KANSL1: variants seen among roughly 807,000 people sequenced by gnomAD.
KANSL1 encodes the protein MLL1/MLL complex subunit KANSL1.
In KANSL1, 22 loss-of-function variants were observed where a neutral mutation model predicts 103.6. That is an observed-to-expected ratio of 0.21 (90% CI 0.15 to 0.30). The LOEUF is 0.30. Ranked by LOEUF, KANSL1 falls within the 10% of genes least tolerant of loss-of-function variation. The pLI is 1.00. For synonymous variants in KANSL1, 600 were observed against 527.6 expected, an observed-to-expected ratio of 1.14 and a Z score of -1.88; for missense variants, 1,337 against 1,399.8, an observed-to-expected ratio of 0.96 and a Z score of 0.72.
intron 1 of KANSL1, among the ~76,000 whole-genome samples, chr17:46,182,708 G>A (rs967439997): frequency 2.0e-5 from 3 of 152,212 alleles, no homozygotes; most frequent in African/African-American, 7.2e-5. Flanking sequence ...AACAATGTAA[G>A]GTAAGTACTA....
chr17:46,189,620 T>C (rs1331101361), intron 1 of KANSL1, among the ~76,000 whole-genome samples: 3 of 152,216 alleles, frequency 2.0e-5, no homozygotes, highest in African/African-American at 7.2e-5. Context: ...TAGTGGTTCA[T>C]GCCTGTAATT....
chr17:46,176,347 T>G lies in KANSL1; in HGVS notation c.-89-4115A>C, dbSNP rs2147789761. Among the ~76,000 whole-genome samples the G allele has an allele frequency of 2.0e-5, 3 of 152,358 alleles. No homozygotes were observed. The East Asian group carries it at 5.8e-4, about 29-fold the overall frequency. On this transcript the variant is annotated intron_variant, in intron 1 of 14. Transcript: ENST00000432791. ...AAACTTCTCAAAGTTATTCTGAGAT[T>G]ATTCAATTCTTTAAAGCTTACAACT...
At chr17:46,202,513 T>A (rs1405203926) in intron 1 of KANSL1, among the ~76,000 whole-genome samples, 9 of 152,250 alleles carry the variant, frequency 5.9e-5, no homozygotes, top group Admixed American at 5.9e-4. Flanking sequence ...AAAGAGGTAC[T>A]GGTTTAGACC....
chr17:46,186,903 GT>G (rs56296060), intron 1 of KANSL1, among the ~76,000 whole-genome samples: 31,693 of 147,770 alleles, frequency 0.21, 3,603 homozygotes, highest in Middle Eastern at 0.29. Flanking sequence ...AATTTTTGCT[GT>G]TTTTTTTTTT....
rs928298669 is a variant in KANSL1, at chr17:46,030,587, A to AG, written c.*888dup. ...AAGGAAACATGGCAAAGTGAATCAG[A>AG]GGGAAAAAAAAAAAAAATCACACAG... On this transcript the variant is annotated 3_prime_UTR_variant, in exon 15 of 15. Coordinates refer to ENST00000432791, the MANE Select transcript of KANSL1 (RefSeq NM_015443.4). 38 of 139,944 alleles carry AG rather than the reference A, an allele frequency of 2.7e-4. No individual in the cohort carries two copies. The highest frequency in any genetic ancestry group is 9.3e-4 in the African/African-American group (33 of 35,400). 8.7% of individuals were successfully genotyped at this position (139,944 alleles called of 1,614,324 possible).
At chr17:46,092,262 A>T (rs2079425616) in intron 3 of KANSL1, among the ~76,000 whole-genome samples, 1 of 152,236 alleles carries the variant, frequency 6.6e-6, no homozygotes, top group Non-Finnish European at 1.5e-5. Flanking sequence ...ATTATTTTCC[A>T]GATATTTAGA....
At chr17:46,208,616 CAAA>C (rs149187563) in intron 1 of KANSL1, among the ~76,000 whole-genome samples, 44 of 81,142 alleles carry the variant, frequency 5.4e-4, no homozygotes, top group Middle Eastern at 6.0e-3. Context: ...GACCCTGTCT[CAAA>C]AAAAAAAAAA....
At chr17:46,106,222 GC>G (rs1353370950) in intron 2 of KANSL1, among the ~76,000 whole-genome samples, 24 of 152,276 alleles carry the variant, frequency 1.6e-4, no homozygotes, top group Admixed American at 5.9e-4. Flanking sequence ...TTATCATTGA[GC>G]CCCCAGTCAG....
At chr17:46,136,340 A>C (rs1370599952) in intron 2 of KANSL1, among the ~76,000 whole-genome samples, 1 of 152,228 alleles carries the variant, frequency 6.6e-6, no homozygotes, top group African/African-American at 2.4e-5. Flanking sequence ...TTTCACCACA[A>C]GGCTTGGATT....
At chr17:46,126,287 C>G (rs925842782) in intron 2 of KANSL1, among the ~76,000 whole-genome samples, 1 of 152,048 alleles carries the variant, frequency 6.6e-6, no homozygotes, top group African/African-American at 2.4e-5. Flanking sequence ...ACTAAAAATA[C>G]AAAAATTAGC....
chr17:46,176,984 T>C (rs564137151), intron 1 of KANSL1, among the ~76,000 whole-genome samples: 1 of 152,314 alleles, frequency 6.6e-6, no homozygotes. Flanking sequence ...AGAAATACCA[T>C]TTATTGACTT....
intron 2 of KANSL1, among the ~76,000 whole-genome samples, chr17:46,146,153 G>A (rs1185255250): frequency 2.0e-5 from 3 of 152,148 alleles, no homozygotes; most frequent in East Asian, 3.9e-4. Flanking sequence ...TCAGTATTGA[G>A]ACTAAACTGT....
intron 1 of KANSL1, among the ~76,000 whole-genome samples, chr17:46,184,007 C>T (rs1231247738): frequency 6.6e-6 from 1 of 152,220 alleles, no homozygotes; most frequent in Non-Finnish European, 1.5e-5. Context: ...GCCCCAACAC[C>T]AAATCCAAAA....
chr17:46,169,692 C>T (rs1452295225), intron 2 of KANSL1: 1 of 152,236 alleles, frequency 6.6e-6, no homozygotes, highest in African/African-American at 2.4e-5. Context: ...ATCTGATATT[C>T]CTAAGGAGAT....
intron 4 of KANSL1, among the ~76,000 whole-genome samples, chr17:46,069,691 G>C (rs964145380): frequency 2.0e-5 from 3 of 152,140 alleles, no homozygotes; most frequent in African/African-American, 7.2e-5. Context: ...GTTGCAGTGA[G>C]CCAAATCACG....
intron 1 of KANSL1, among the ~76,000 whole-genome samples, chr17:46,212,619 T>C (rs1478128700): frequency 2.0e-5 from 3 of 152,240 alleles, no homozygotes; most frequent in African/African-American, 7.2e-5. Flanking sequence ...TTAGGTTTAT[T>C]CTCAATTCTC....
intron 2 of KANSL1, among the ~76,000 whole-genome samples, chr17:46,140,074 C>A (rs1188781418): frequency 6.6e-6 from 1 of 152,166 alleles, no homozygotes; most frequent in Non-Finnish European, 1.5e-5. Context: ...CATCCCAACC[C>A]ATCCCATCCC....
chr17:46,119,409 C>T (rs1479071951), intron 2 of KANSL1, among the ~76,000 whole-genome samples: 1 of 151,640 alleles, frequency 6.6e-6, no homozygotes, highest in African/African-American at 2.4e-5. Context: ...CCAGGTTCAA[C>T]TGATCTCGTA....
At chr17:46,042,771 A>T (rs2077368871) in intron 7 of KANSL1, 1 of 150,098 alleles carries the variant, frequency 6.7e-6, no homozygotes, top group Admixed American at 6.7e-5. Context: ...GGACTGGAAT[A>T]AAAATCTGAG....
Sources: allele counts gnomAD v4.1 joint callset (sites outside exome capture counted in the v4.1 genomes callset), GRCh38; gene constraint gnomAD v4.1.1; transcripts MANE v1.5; gene names NCBI Gene and HGNC (gene_info 2026-07-23, HGNC 2026-07-21).